TTC16: variants seen among roughly 807,000 people sequenced by gnomAD.
TTC16 encodes the protein tetratricopeptide repeat protein 16.
Under a neutral mutation model 80.4 loss-of-function variants are expected in TTC16, and 66 were observed. That is an observed-to-expected ratio of 0.82 (90% CI 0.67 to 1.01). The LOEUF (loss-of-function observed/expected upper bound fraction) is 1.01. TTC16 is among the 50% of genes least tolerant of loss of function. The probability of loss-of-function intolerance (pLI) is 0.00; values close to 1 mark genes in which losing one functional copy is unlikely to be tolerated. For synonymous variants in TTC16, 438 were observed against 451.3 expected, an observed-to-expected ratio of 0.97 and a Z score of 0.37; for missense variants, 1,070 against 1,103.2, an observed-to-expected ratio of 0.97 and a Z score of 0.43.
intron 12 of TTC16, chr9:127,728,678 C>T (rs1844163527): frequency 6.6e-6 from 1 of 152,176 alleles, no homozygotes; most frequent in Non-Finnish European, 1.5e-5. Flanking sequence ...ACCTATAGTC[C>T]CAGCTACTTG....
rs1375802709 is a variant in TTC16 at position 127,724,836 on chromosome 9, G to A, written c.1198G>A (p.Gly400Ser). 32 of 1,602,262 alleles carry A rather than the reference G, an allele frequency of 2.0e-5. No individual in the cohort carries two copies. The highest frequency in any genetic ancestry group is 2.5e-5 in the Non-Finnish European group (29 of 1,175,472). Residue 400 changes from glycine (G) to serine (S), a missense_variant, in exon 9 of 14, where the codon GGC becomes AGC. Gly to Ser is a moderately conservative substitution (Grantham distance 56). Coordinates refer to ENST00000373289, the MANE Select transcript of TTC16 (RefSeq NM_144965.3). ...GCTGGCGCTGAGCCCTCAGGACGAG[G>A]GCGCCAACACGCGCATGGGCCTGCT... ...QALALSPQDE[G>S]ANTRMGLLQE...
intron 13 of TTC16, chr9:127,730,280 T>G: frequency 6.0e-6 from 2 of 330,642 alleles, no homozygotes; most frequent in Non-Finnish European, 5.7e-6. Context: ...TGTGGGTGCA[T>G]TTAGCGCCTT....
At chr9:127,726,694 A>G (rs913130041) in intron 10 of TTC16, among the ~76,000 whole-genome samples, 1 of 150,032 alleles carries the variant, frequency 6.7e-6, no homozygotes, top group Non-Finnish European at 1.5e-5. Flanking sequence ...AGGCTGAGGC[A>G]TGAGAATCGC....
At chr9:127,725,598 C>T (rs977056382) in intron 9 of TTC16, among the ~76,000 whole-genome samples, 10 of 144,398 alleles carry the variant, frequency 6.9e-5, no homozygotes, top group Non-Finnish European at 1.5e-4. Context: ...CTTCTCTCTC[C>T]GTTATGCTTT....
Position 127,731,266 on chromosome 9 carries a change from C to T in TTC16, c.2483C>T (p.Ser828Phe), listed in dbSNP as rs1243705016. Residue 828 changes from serine to phenylalanine, a missense_variant, in exon 14 of 14, where the codon TCC becomes TTC. Physicochemically the swap from Ser to Phe is radical, Grantham distance 155 (BLOSUM62 -2). Transcript: ENST00000373289. ...TEYAQGQGQR[S>F]SKAEGAQGKS... ...TATGCCCAAGGCCAGGGCCAGAGGT[C>T]CAGCAAGGCTGAGGGTGCCCAGGGC... is the stretch of plus-strand genomic sequence containing the variant. The T allele has an allele frequency of 1.2e-6, 2 of 1,612,848 alleles. No individual in the cohort carries two copies. The highest frequency in any genetic ancestry group is 1.7e-5 in the Admixed American group (1 of 60,028).
intron 1 of TTC16, chr9:127,716,492 A>T: frequency 1.9e-6 from 1 of 538,358 alleles, no homozygotes; most frequent in Non-Finnish European, 3.3e-6. Context: ...AGGACCCCCA[A>T]GGCCTGAGAC....
rs750287049 is a variant in TTC16, at chr9:127,729,596, C to A, written c.1780C>A (p.Leu594Ile). The stretch of plus-strand genomic sequence containing the variant: ...CTTGCCATAGGAGAAAAAATCAGAG[C>A]TCATACCTAGCAAGGTGGCGTCCCT... Reference protein sequence around the residue: ...KEKKEEKKSELIPSKVASLSD... With the variant: ...KEKKEEKKSEIIPSKVASLSD... The change falls in exon 13 of 14, where the codon CTC becomes ATC. Residue 594 changes from leucine (L) to isoleucine (I), a missense_variant. Physicochemically the swap from Leu to Ile is conservative, Grantham distance 5. Transcript: ENST00000373289. The A allele has an allele frequency of 2.1e-5, 34 of 1,613,860 alleles. No individual in the cohort carries two copies. The South Asian group carries it at 3.2e-4, about 15-fold the overall frequency.
chr9:127,719,049 A>G (rs896457300), intron 4 of TTC16, among the ~76,000 whole-genome samples: 5 of 151,682 alleles, frequency 3.3e-5, no homozygotes, highest in African/African-American at 9.7e-5. Context: ...CATCTCTACT[A>G]AAAATACAAA....
In TTC16 at chr9:127,731,499, C is replaced by T. The variant is rs1413321080; in HGVS notation, c.*94C>T. 2.0e-6 allele frequency: 3 copies of T among 1,508,824 alleles called. No individual in the cohort carries two copies. The African/African-American group carries it at 4.2e-5, about 21-fold the overall frequency. 93.5% of individuals were successfully genotyped at this position (1,508,824 alleles called of 1,614,324 possible). A position where few individuals can be genotyped will look rare whatever the true frequency, so the allele number is the denominator to read the frequency against. ...CTCAGCCAGCTGCCTCCTTCCAGAG[C>T]AATTAAAAGTCTTAGCAACAGTCCT... On this transcript the variant is annotated 3_prime_UTR_variant, in exon 14 of 14. Transcript: ENST00000373289.
At position 127,720,348 on chromosome 9, in the gene TTC16, G is replaced by A. The variant is rs749376488; in HGVS notation, c.610G>A (p.Ala204Thr). Residue 204 changes from alanine to threonine, a missense_variant, in exon 6 of 14, where the codon GCC (alanine) becomes ACC (threonine). By Grantham distance (58) the Ala-to-Thr change is moderately conservative. Transcript: ENST00000373289. ...TNELKQDTTN[A>T]DVYIFRARLY... ...CGAGCTGAAGCAGGACACCACCAAC[G>A]CCGATGTCTACATCTTCCGGGCCAG... 8.7e-6 allele frequency: 14 copies of A among 1,613,206 alleles called. No homozygotes were observed. Among genetic ancestry groups the A allele is most frequent in the Admixed American group, 6.7e-5 (4 of 60,014 alleles).
intron 6 of TTC16, among the ~76,000 whole-genome samples, chr9:127,720,830 CT>C (rs368200425): frequency 1.4e-3 from 1 of 730 alleles, no homozygotes; most frequent in Admixed American, 0.025. Flanking sequence ...TCCCTCCTGC[CT>C]TCCCTCCTCC....
chr9:127,720,418 G>A, intron 6 of TTC16, 23 bp downstream of exon 6: 2 of 1,609,662 alleles, frequency 1.2e-6, no homozygotes, highest in Non-Finnish European at 1.7e-6. Flanking sequence ...GGGCGGGCAG[G>A]GGCATGCCCC....
At position 127,730,785 on chromosome 9, in the gene TTC16, G is replaced by C; in HGVS notation, c.2002G>C (p.Gly668Arg). The change falls in exon 14 of 14, where the codon GGT (glycine) becomes CGT (arginine). Residue 668 changes from glycine to arginine, a missense_variant. Gly to Arg is a moderately radical substitution (Grantham distance 125). Coordinates refer to ENST00000373289, the MANE Select transcript of TTC16 (RefSeq NM_144965.3). Reference protein sequence around the residue: ...SGNNREALSHGPRKIKATQGQ... With the variant: ...SGNNREALSHRPRKIKATQGQ... Reference sequence around the variant, plus strand: ...GAACAACAGGGAGGCACTAAGCCATGGTCCCAGAAAAATCAAGGCCACCCA... The same window carrying C: ...GAACAACAGGGAGGCACTAAGCCATCGTCCCAGAAAAATCAAGGCCACCCA... 3.7e-6 allele frequency: 6 copies of C among 1,613,806 alleles called. No individual in the cohort carries two copies. Among genetic ancestry groups the C allele is most frequent in the Non-Finnish European group, 5.1e-6 (6 of 1,180,040 alleles).
chr9:127,716,517 G>C (rs1404505499), intron 1 of TTC16: 1 of 537,506 alleles, frequency 1.9e-6, no homozygotes, highest in Non-Finnish European at 3.3e-6. Context: ...GACCAGGCCT[G>C]AGCTGGAGAC....
chr9:127,725,377 A>G (rs1843854535), intron 9 of TTC16, among the ~76,000 whole-genome samples: 1 of 150,064 alleles, frequency 6.7e-6, no homozygotes, highest in South Asian at 2.1e-4. Flanking sequence ...ATCCTGGCTA[A>G]CCTGGTGAAA....
chr9:127,724,815 GC>G lies in TTC16; in HGVS notation c.1178del (p.Ala393GlyfsTer2). ...FAEADYQQAL[A>X]LSPQDEGANT... Reference sequence around the variant, plus strand: ...CGAGGCGGACTACCAGCAGGCGCTGGCGCTGAGCCCTCAGGACGAGGGCGCC... The same window carrying G: ...CGAGGCGGACTACCAGCAGGCGCTGGGCTGAGCCCTCAGGACGAGGGCGCC... On this transcript the variant is annotated frameshift_variant, in exon 9 of 14. Transcript: ENST00000373289. LOFTEE classifies it high-confidence loss of function. 1 of 1,608,976 alleles carries G rather than the reference GC, an allele frequency of 6.2e-7. No individual in the cohort carries two copies. The highest frequency in any genetic ancestry group is 8.5e-7 in the Non-Finnish European group (1 of 1,178,594).
Position 127,717,643 on chromosome 9 carries a change from C to G in TTC16, c.297C>G (p.Ala99=). The change falls in exon 4 of 14, where the codon GCC becomes GCG. Residue 99 remains alanine, a synonymous_variant. Coordinates refer to ENST00000373289, the MANE Select transcript of TTC16 (RefSeq NM_144965.3). The stretch of plus-strand genomic sequence containing the variant: ...CTCACCCTCAGGTGGACTTCTATGC[C>G]TTACGGGCTGAGGCCTACCTCCAGC... ...HLDPQLVDFY[A]LRAEAYLQLC... The G allele has an allele frequency of 1.2e-6, 2 of 1,613,978 alleles. No individual in the cohort carries two copies. Among genetic ancestry groups the G allele is most frequent in the Non-Finnish European group, 1.7e-6 (2 of 1,179,944 alleles).
chr9:127,724,562 A>G, intron 8 of TTC16, 194 bp from the exon 9 acceptor site: 1 of 1,079,712 alleles, frequency 9.3e-7, no homozygotes, highest in Non-Finnish European at 1.3e-6. Flanking sequence ...CTGGCTCCAG[A>G]CTCCTTAAAA....
At chr9:127,719,377 T>C (rs186012629) in intron 4 of TTC16, among the ~76,000 whole-genome samples, 7 of 152,332 alleles carry the variant, frequency 4.6e-5, no homozygotes, top group African/African-American at 1.7e-4. Flanking sequence ...AAGAGAAGCA[T>C]GCTAGTGCCA....
Sources: gnomAD v4.1 joint callset for allele counts (sites outside exome capture counted in the v4.1 genomes callset) on GRCh38, gnomAD v4.1.1 for gene constraint, MANE v1.5 for transcripts, NCBI Gene and HGNC (gene_info 2026-07-23, HGNC 2026-07-21) for gene names.